Variants in INO80 observed in about 807,000 individuals in gnomAD.
The protein encoded by INO80 is INO80 complex ATPase subunit.
A neutral mutation model predicts 203.4 loss-of-function variants in INO80; 20 were observed. The observed-to-expected ratio is 0.10, with a 90% confidence interval of 0.07 to 0.14. INO80 has a LOEUF of 0.14. Among genes scored for constraint, INO80 ranks in the 10% least tolerant of loss-of-function variants. The pLI is 1.00. For missense variants in INO80, 1,419 were observed against 1,914.4 expected, an observed-to-expected ratio of 0.74 and a Z score of 4.83; for synonymous variants, 726 against 685.2, an observed-to-expected ratio of 1.06 and a Z score of -0.93.
intron 14 of INO80, among the ~76,000 whole-genome samples, chr15:41,060,736 C>T (rs952336649): frequency 9.9e-5 from 15 of 152,212 alleles, no homozygotes; most frequent in South Asian, 2.1e-4. Context: ...ACCGACTCCC[C>T]GCCTCAAGAC....
At position 41,031,983 on chromosome 15, in the gene INO80, C is replaced by G. The variant is rs79308122; in HGVS notation, c.2908-4247G>C. Reference sequence around the variant, plus strand: ...CACAGGACAGCACAGCACAGCACAGCACAGCACAGCACAGGACAGCACAGC... The same window carrying G: ...CACAGGACAGCACAGCACAGCACAGGACAGCACAGCACAGGACAGCACAGC... On this transcript the variant is annotated intron_variant, in intron 24 of 35. Transcript: ENST00000648947. Among the ~76,000 whole-genome samples the G allele has an allele frequency of 4.3e-3, 337 of 78,302 alleles. 13 individuals are homozygous for G. The highest frequency in any genetic ancestry group is 0.013 in the Middle Eastern group (2 of 158). The allele number at this position is 78,302 out of a possible 152,430, so 51.4% of individuals were successfully genotyped here. A position where few individuals can be genotyped will look rare whatever the true frequency, so the allele number is the denominator to read the frequency against.
At chr15:40,986,774 C>T (rs138470417) in intron 31 of INO80, among the ~76,000 whole-genome samples, 5 of 152,128 alleles carry the variant, frequency 3.3e-5, no homozygotes, top group South Asian at 4.2e-4. Context: ...TACAGGTGCC[C>T]GCTACCATGC....
intron 14 of INO80, among the ~76,000 whole-genome samples, chr15:41,063,167 T>C (rs1010178015): frequency 1.3e-5 from 2 of 151,682 alleles, no homozygotes; most frequent in African/African-American, 4.8e-5. Flanking sequence ...TGAAACCCCA[T>C]CTCTAGTAAA....
chr15:40,984,149 C>A, intron 33 of INO80, 48 bp downstream of exon 33: 2 of 1,590,520 alleles, frequency 1.3e-6, no homozygotes, highest in Non-Finnish European at 1.7e-6. Flanking sequence ...GCTACACGGT[C>A]AGGACACTCC....
At chr15:41,058,564 T>TGTGC in intron 16 of INO80, 75 bp downstream of exon 16, 1 of 1,062,324 alleles carries the variant, frequency 9.4e-7, no homozygotes, top group Non-Finnish European at 1.4e-6. Context: ...TGTGTGTGTG[T>TGTGC]GTGTGCGTGT....
Position 41,050,009 on chromosome 15 carries a change from A to T in INO80, c.2368T>A (p.Ser790Thr). ...GCTTGTTGGGTAGAGCCCATAGAAG[A>T]CTGCAATAAATCCTCAATGGAAATT... The part of the protein sequence containing the change: ...NKISIEDLLQ[S>T]SMGSTQQAQN... The change falls in exon 20 of 36, where the codon TCT (serine) becomes ACT (threonine). Residue 790 changes from serine to threonine, a missense_variant. By Grantham distance (58) the Ser-to-Thr change is moderately conservative (BLOSUM62 1). Coordinates refer to ENST00000648947, the MANE Select transcript of INO80 (RefSeq NM_017553.3). 6.2e-7 allele frequency: 1 copy of T among 1,614,188 alleles called. No individual in the cohort carries two copies. Among genetic ancestry groups the T allele is most frequent in the Non-Finnish European group, 8.5e-7 (1 of 1,180,006 alleles).
chr15:41,051,077 C>T (rs1243045944), intron 19 of INO80, among the ~76,000 whole-genome samples: 1 of 136,270 alleles, frequency 7.3e-6, no homozygotes, highest in African/African-American at 3.0e-5. Flanking sequence ...TGCAGTGAGC[C>T]GAGATTGCAC....
chr15:41,115,468 C>T (rs868543520), intron 1 of INO80, among the ~76,000 whole-genome samples: 26 of 152,238 alleles, frequency 1.7e-4, no homozygotes, highest in African/African-American at 5.3e-4. Flanking sequence ...CCAACACCAG[C>T]CAGCAGCGTG....
intron 24 of INO80, among the ~76,000 whole-genome samples, chr15:41,039,876 G>A (rs184810704): frequency 9.2e-5 from 14 of 152,246 alleles, no homozygotes; most frequent in Non-Finnish European, 1.8e-4. Context: ...GTAGGCACAC[G>A]TAAACTTCAC....
chr15:41,066,258 G>A (rs1202185600), intron 14 of INO80, among the ~76,000 whole-genome samples: 1 of 151,910 alleles, frequency 6.6e-6, no homozygotes, highest in African/African-American at 2.4e-5. Context: ...GATTACAGGC[G>A]TGAGCCACCG....
chr15:41,060,199 A>T (rs1205891976), intron 14 of INO80, among the ~76,000 whole-genome samples: 1 of 152,216 alleles, frequency 6.6e-6, no homozygotes, highest in African/African-American at 2.4e-5. Context: ...CCAGAGAGGT[A>T]AGCCTAGTAT....
At chr15:41,001,320 CAT>C (rs1298408281) in intron 28 of INO80, among the ~76,000 whole-genome samples, 2 of 152,228 alleles carry the variant, frequency 1.3e-5, no homozygotes, top group South Asian at 2.1e-4. Flanking sequence ...ACAGCAAAGA[CAT>C]GTGTAGGTCT....
chr15:40,980,252 T>C lies in INO80; in HGVS notation c.4642A>G (p.Lys1548Glu). 6.2e-7 allele frequency: 1 copy of C among 1,613,146 alleles called. No individual in the cohort carries two copies. The highest frequency in any genetic ancestry group is 8.5e-7 in the Non-Finnish European group (1 of 1,180,036). Residue 1548 changes from lysine (K) to glutamate (E), a missense_variant, in exon 36 of 36, where the codon AAA becomes GAA. Physicochemically the swap from Lys to Glu is moderately conservative, Grantham distance 56. Around this residue, in one of 9 missense-constraint regions of INO80, gnomAD observed 112 missense variants for 106.2 expected, o/e 1.05. Transcript: ENST00000648947. ...APDSLVRKQG[K>E]GTNPSGGR Reference sequence around the variant, plus strand: ...CGTCCTCCAGAGGGGTTGGTGCCTTTGCCCTGTTTCCGGACCAGAGAGTCT... The same window carrying C: ...CGTCCTCCAGAGGGGTTGGTGCCTTCGCCCTGTTTCCGGACCAGAGAGTCT...
At chr15:41,043,357 A>G (rs1192797889) in intron 24 of INO80, among the ~76,000 whole-genome samples, 6 of 152,188 alleles carry the variant, frequency 3.9e-5, no homozygotes, top group Non-Finnish European at 8.8e-5. Flanking sequence ...CTCTTCAGAC[A>G]TACCAGTGTT....
At chr15:41,031,494 GAGGAAGGAGAAGGA>G (rs1210103794) in intron 24 of INO80, among the ~76,000 whole-genome samples, 1 of 109,452 alleles carries the variant, frequency 9.1e-6, no homozygotes, top group Admixed American at 1.0e-4. Context: ...AGAGGGAGGG[GAGGAAGGAGAAGGA>G]AGGAAGGGGA....
chr15:41,027,550 T>C, intron 25 of INO80, 46 bp downstream of exon 25: 15 of 1,511,754 alleles, frequency 9.9e-6, no homozygotes, highest in Non-Finnish European at 1.3e-5. Context: ...TTGGTTTATT[T>C]CTCCTATTGC....
chr15:41,033,382 G>A (rs1257321986), intron 24 of INO80, among the ~76,000 whole-genome samples: 2 of 148,574 alleles, frequency 1.3e-5, no homozygotes, highest in African/African-American at 2.5e-5. Flanking sequence ...TACCCAGGCT[G>A]GGGTGCAGTA....
intron 16 of INO80, 32 bp downstream of exon 16, chr15:41,058,607 G>A: frequency 3.8e-6 from 6 of 1,583,402 alleles, no homozygotes; most frequent in Non-Finnish European, 5.2e-6. Context: ...TTAACCCAAT[G>A]CATTGAGTTT....
chr15:41,092,269 T>C (rs1010702171), intron 4 of INO80, 87 bp from the exon 5 acceptor site: 3 of 1,071,172 alleles, frequency 2.8e-6, no homozygotes, highest in Non-Finnish European at 3.9e-6. Context: ...TCCAAAACAA[T>C]GACAAAAACA....
Sources: gnomAD v4.1 joint callset for allele counts (sites outside exome capture counted in the v4.1 genomes callset) on GRCh38, gnomAD v4.1.1 for gene constraint, gnomAD v4.1.1 regional missense constraint, MANE v1.5 for transcripts, NCBI Gene and HGNC (gene_info 2026-07-23, HGNC 2026-07-21) for gene names.